Variants in MICU1 observed in about 807,000 individuals in gnomAD.
MICU1 encodes mitochondrial calcium uptake 1.
Under a neutral mutation model 56.8 loss-of-function variants are expected in MICU1, and 45 were observed. That is an observed-to-expected ratio of 0.79 (90% CI 0.62 to 1.02). The LOEUF is 1.02. Ranked by LOEUF, MICU1 falls within the 50% of genes least tolerant of loss-of-function variation. The pLI, the probability that MICU1 is intolerant of heterozygous loss-of-function variation, is 0.00. For synonymous variants in MICU1, 186 were observed against 195.1 expected (o/e 0.95, Z 0.39); for missense variants, 504 against 587.1 (o/e 0.86, Z 1.46).
chr10:72,461,906 T>C (rs141166048), intron 8 of MICU1, among the ~76,000 whole-genome samples: 3,155 of 152,234 alleles, frequency 0.021, 101 homozygotes, highest in African/African-American at 0.072. Flanking sequence ...GCCGAGATCA[T>C]GTCACTGCAC....
chr10:72,500,302 ATTTTTTTTT>A (rs542725786), intron 6 of MICU1, among the ~76,000 whole-genome samples: 119 of 10,654 alleles, frequency 0.011, 1 homozygote, highest in African/African-American at 0.019. Flanking sequence ...ATATATATAT[ATTTTTTTTT>A]TTTTTTTTTT....
intron 5 of MICU1, among the ~76,000 whole-genome samples, chr10:72,525,103 G>A (rs936902891): frequency 6.6e-6 from 1 of 151,256 alleles, no homozygotes; most frequent in African/African-American, 2.4e-5. Context: ...TTAGAAAAAG[G>A]TCTCCTCCAA....
chr10:72,592,720 T>C (rs1285128216), intron 1 of MICU1, among the ~76,000 whole-genome samples: 2 of 151,482 alleles, frequency 1.3e-5, no homozygotes, highest in African/African-American at 4.9e-5. Flanking sequence ...TGAAGAAAAA[T>C]CTACATGGTC....
At chr10:72,587,924 C>T (rs1841109821) in intron 1 of MICU1, among the ~76,000 whole-genome samples, 1 of 152,120 alleles carries the variant, frequency 6.6e-6, no homozygotes, top group Non-Finnish European at 1.5e-5. Flanking sequence ...ATGGGTAGAG[C>T]GTGGGTCAAT....
intron 6 of MICU1, among the ~76,000 whole-genome samples, chr10:72,485,552 T>C (rs1866441902): frequency 6.7e-6 from 1 of 150,176 alleles, no homozygotes; most frequent in Non-Finnish European, 1.5e-5. Flanking sequence ...CCGTTTCCAG[T>C]TAAAAAAAAA....
chr10:72,539,222 G>C (rs1839708982), intron 4 of MICU1, among the ~76,000 whole-genome samples: 1 of 152,102 alleles, frequency 6.6e-6, no homozygotes, highest in Non-Finnish European at 1.5e-5. Flanking sequence ...GATTTAAACT[G>C]TACTCTGGAC....
chr10:72,406,385 C>T (rs909821334), intron 10 of MICU1, among the ~76,000 whole-genome samples: 2 of 152,056 alleles, frequency 1.3e-5, no homozygotes, highest in Non-Finnish European at 2.9e-5. Flanking sequence ...TGCTATATTA[C>T]ACTAAGGTGT....
chr10:72,606,442 G>C (rs982821246), intron 1 of MICU1, among the ~76,000 whole-genome samples: 2 of 152,002 alleles, frequency 1.3e-5, no homozygotes, highest in African/African-American at 4.8e-5. Context: ...GAACCCAGGA[G>C]GCAGAGGTTG....
At chr10:72,413,455 G>A (rs569485562) in intron 9 of MICU1, among the ~76,000 whole-genome samples, 45 of 152,240 alleles carry the variant, frequency 3.0e-4, no homozygotes, top group South Asian at 2.5e-3. Flanking sequence ...AATCCAGGTC[G>A]GGCGCAGTGG....
At chr10:72,582,343 G>A (rs2132509087) in intron 1 of MICU1, among the ~76,000 whole-genome samples, 1 of 152,346 alleles carries the variant, frequency 6.6e-6, no homozygotes, top group Non-Finnish European at 1.5e-5. Flanking sequence ...ATTGAGCAAA[G>A]TATTTTGCGA....
At chr10:72,571,477 T>G (rs1269637935) in intron 1 of MICU1, among the ~76,000 whole-genome samples, 1 of 152,164 alleles carries the variant, frequency 6.6e-6, no homozygotes, top group Non-Finnish European at 1.5e-5. Context: ...TAAGCCACAA[T>G]CACTTGAGAA....
At chr10:72,606,524 AT>A (rs150892975) in intron 1 of MICU1, among the ~76,000 whole-genome samples, 179 of 151,314 alleles carry the variant, frequency 1.2e-3, no homozygotes, top group African/African-American at 4.1e-3. Context: ...AAAAAAAAAA[AT>A]TTTTTTTTAA....
At chr10:72,428,238 T>TA (rs1301502275) in intron 8 of MICU1, among the ~76,000 whole-genome samples, 1 of 152,226 alleles carries the variant, frequency 6.6e-6, no homozygotes, top group Non-Finnish European at 1.5e-5. Context: ...AACAAGTCAT[T>TA]AGAGTCTTGG....
rs71018289 is a variant in MICU1, at chr10:72,448,193, A to ATTTTTTTTTTTTTTT, written c.934-24837_934-24823dup. Among the ~76,000 whole-genome samples the ATTTTTTTTTTTTTTT allele has an allele frequency of 1.1e-4, 4 of 36,834 alleles. 1 individual carries two copies. The highest frequency in any genetic ancestry group is 1.9e-4 in the Non-Finnish European group (4 of 21,214). 24.2% of individuals were successfully genotyped at this position (36,834 alleles called of 152,430 possible). On this transcript the variant is annotated intron_variant, in intron 8 of 11. Coordinates refer to ENST00000361114, the MANE Select transcript of MICU1 (RefSeq NM_001195518.2). The stretch of plus-strand genomic sequence containing the variant: ...TGTGTGTATATATATATATATATAT[A>ATTTTTTTTTTTTTTT]TTTTTTTTTTTTTTTTTTTTTTTTG...
chr10:72,593,872 T>C (rs983118391), intron 1 of MICU1, among the ~76,000 whole-genome samples: 1 of 152,128 alleles, frequency 6.6e-6, no homozygotes. Flanking sequence ...AAATTAAAGA[T>C]AGGAATAAGT....
chr10:72,493,422 ATG>A (rs1866733633), intron 6 of MICU1, among the ~76,000 whole-genome samples: 1 of 151,930 alleles, frequency 6.6e-6, no homozygotes, highest in Non-Finnish European at 1.5e-5. Flanking sequence ...GTTTATTTTT[ATG>A]TGTGTATTTG....
At chr10:72,592,498 A>C (rs1564951927) in intron 1 of MICU1, among the ~76,000 whole-genome samples, 1 of 152,298 alleles carries the variant, frequency 6.6e-6, no homozygotes, top group East Asian at 1.9e-4. Context: ...TATTACACTA[A>C]TATCAAAGCC....
intron 10 of MICU1, among the ~76,000 whole-genome samples, chr10:72,385,606 G>A (rs903879199): frequency 6.6e-5 from 10 of 152,322 alleles, no homozygotes; most frequent in Admixed American, 1.3e-4. Context: ...CCTATCTTCA[G>A]AATAATAAAA....
At chr10:72,521,659 C>A (rs1464565850) in intron 5 of MICU1, among the ~76,000 whole-genome samples, 4 of 152,018 alleles carry the variant, frequency 2.6e-5, no homozygotes, top group Non-Finnish European at 5.9e-5. Context: ...GACTCCAGAG[C>A]CCATGTCATG....
Sources: allele counts gnomAD v4.1 joint callset (sites outside exome capture counted in the v4.1 genomes callset), GRCh38; gene constraint gnomAD v4.1.1; transcripts MANE v1.5; gene names NCBI Gene and HGNC (gene_info 2026-07-23, HGNC 2026-07-21).